Variants in MXD4 observed in about 807,000 individuals in gnomAD.
MXD4 encodes the protein Mad4 homolog.
Under a neutral mutation model 24.5 loss-of-function variants are expected in MXD4, and 16 were observed. That is an observed-to-expected ratio of 0.65 (90% CI 0.44 to 0.99). The LOEUF (loss-of-function observed/expected upper bound fraction) is 0.99. Ranked by LOEUF, MXD4 falls within the 50% of genes least tolerant of loss-of-function variation. The pLI is 0.00. For synonymous variants in MXD4, 164 were observed against 134.2 expected (o/e 1.22, Z -1.54); for missense variants, 301 against 301.5 (o/e 1.00, Z 0.01).
chr4:2,252,858 G>A (rs927683124), intron 3 of MXD4: 4 of 270,682 alleles, frequency 1.5e-5, no homozygotes, highest in Admixed American at 5.0e-5. Context: ...ATGCAGGGAG[G>A]GGTGGGGTGA....
At chr4:2,256,452 A>G (rs1735433316) in intron 3 of MXD4, among the ~76,000 whole-genome samples, 1 of 152,174 alleles carries the variant, frequency 6.6e-6, no homozygotes, top group Non-Finnish European at 1.5e-5. Context: ...TGGCCCAGCC[A>G]GGGGCTTCCT....
rs1361427194 is a variant in MXD4, at chr4:2,247,898, TTGCGGGGGTTATCCTGGTA to T, written c.*2627_*2645del. 1 of 152,332 alleles carries T rather than the reference TTGCGGGGGTTATCCTGGTA, an allele frequency of 6.6e-6. No homozygotes were observed. The highest frequency in any genetic ancestry group is 1.5e-5 in the Non-Finnish European group (1 of 68,144). 9.4% of individuals were successfully genotyped at this position (152,332 alleles called of 1,614,324 possible). On this transcript the variant is annotated 3_prime_UTR_variant, in exon 6 of 6. Coordinates refer to ENST00000337190, the MANE Select transcript of MXD4 (RefSeq NM_006454.3). The stretch of plus-strand genomic sequence containing the variant: ...GGATGGCGGGGGTCTGCTATGTGGT[TTGCGGGGGTTATCCTGGTA>T]TGCGGGAGCTGCCTTCCAATAAGGC...
At chr4:2,250,820 G>A (rs1359137625) in intron 5 of MXD4, 119 bp from the exon 6 acceptor site, 1 of 1,334,752 alleles carries the variant, frequency 7.5e-7, no homozygotes, top group Non-Finnish European at 1.0e-6. Context: ...CGCTGTCTGG[G>A]CCCTGGGGCA....
intron 2 of MXD4, among the ~76,000 whole-genome samples, chr4:2,259,850 G>A (rs1016646721): frequency 3.3e-5 from 5 of 152,172 alleles, no homozygotes; most frequent in Admixed American, 1.3e-4. Context: ...CCCACAGAAT[G>A]GACCCCCCTG....
At chr4:2,260,435 TTG>T (rs1735516134) in intron 2 of MXD4, 11 of 407,708 alleles carry the variant, frequency 2.7e-5, no homozygotes, top group Non-Finnish European at 5.0e-5. Context: ...TCGGGCAGCC[TTG>T]GCCAGGACGC....
At chr4:2,251,378 G>A in intron 4 of MXD4, 132 bp from the exon 5 acceptor site, 1 of 1,124,468 alleles carries the variant, frequency 8.9e-7, no homozygotes, top group South Asian at 1.8e-5. Flanking sequence ...AAGGCTACAG[G>A]CCACAGGGTG....
chr4:2,251,039 G>T, intron 5 of MXD4, 45 bp downstream of exon 5: 1 of 1,492,758 alleles, frequency 6.7e-7, no homozygotes. Context: ...GCACCACTGC[G>T]CACCCGGAGG....
rs1735562127 is a variant in MXD4, at chr4:2,262,093, C to G, written c.-113G>C. ...GCCCGGCCGCCGCACTTCCAGACTC[C>G]GCGGACTCCGGCGCTCGGCCGCCAC... On this transcript the variant is annotated 5_prime_UTR_variant, in exon 1 of 6. Coordinates refer to ENST00000337190, the MANE Select transcript of MXD4 (RefSeq NM_006454.3). The G allele has an allele frequency of 2.2e-6, 1 of 447,742 alleles. No individual in the cohort carries two copies. The highest frequency in any genetic ancestry group is 2.1e-5 in the African/African-American group (1 of 46,722). 27.7% of individuals were successfully genotyped at this position (447,742 alleles called of 1,614,324 possible). A position where few individuals can be genotyped will look rare whatever the true frequency, so the allele number is the denominator to read the frequency against.
At position 2,248,176 on chromosome 4, in the gene MXD4, A is replaced by C. The variant is rs1735235644; in HGVS notation, c.*2368T>G. 6.6e-6 allele frequency: 1 copy of C among 152,448 alleles called. No homozygotes were observed. The highest frequency in any genetic ancestry group is 2.4e-5 in the African/African-American group (1 of 41,474). The allele number at this position is 152,448 out of a possible 1,614,324, so 9.4% of individuals were successfully genotyped here. A position where few individuals can be genotyped will look rare whatever the true frequency, so the allele number is the denominator to read the frequency against. On this transcript the variant is annotated 3_prime_UTR_variant, in exon 6 of 6. Transcript: ENST00000337190. ...TGACTCCTAGCACGGGCCCCCACCC[A>C]GTGGGCAACCCCTCACCCACCTGCT...
intron 4 of MXD4, 73 bp downstream of exon 4, chr4:2,252,335 G>A: frequency 8.0e-7 from 1 of 1,254,450 alleles, no homozygotes; most frequent in Non-Finnish European, 1.2e-6. Flanking sequence ...GGTCACCTGT[G>A]AGCACCCCCC....
Position 2,261,905 on chromosome 4 carries a change from T to G in MXD4, c.64+12A>C. 1 of 1,449,672 alleles carries G rather than the reference T, an allele frequency of 6.9e-7. No individual in the cohort carries two copies. Among genetic ancestry groups the G allele is most frequent in the Non-Finnish European group, 9.1e-7 (1 of 1,100,688 alleles). 89.8% of individuals were successfully genotyped at this position (1,449,672 alleles called of 1,614,324 possible). A position where few individuals can be genotyped will look rare whatever the true frequency, so the allele number is the denominator to read the frequency against. ...CCACCGCCGCGGGCGCACAATGGGGTGCGAGCGCTACCTCGATCCCTGCGC... is the reference window on the plus strand; with the variant it reads ...CCACCGCCGCGGGCGCACAATGGGGGGCGAGCGCTACCTCGATCCCTGCGC... On this transcript the variant is annotated intron_variant, in intron 1 of 5. Transcript: ENST00000337190.
chr4:2,254,380 G>C (rs1430820407), intron 3 of MXD4: 1 of 152,104 alleles, frequency 6.6e-6, no homozygotes, highest in East Asian at 1.9e-4. Context: ...ACGCACACAA[G>C]AGACGACAGA....
rs943292766 is a variant in MXD4, at chr4:2,262,085, C to CCAGACTCCG, written c.-114_-106dup. The stretch of plus-strand genomic sequence containing the variant: ...CCCCGCGCGCCCGGCCGCCGCACTT[C>CCAGACTCCG]CAGACTCCGCGGACTCCGGCGCTCG... On this transcript the variant is annotated 5_prime_UTR_variant, in exon 1 of 6. Transcript: ENST00000337190. The CCAGACTCCG allele has an allele frequency of 1.9e-6, 1 of 532,104 alleles. No individual in the cohort carries two copies. The highest frequency in any genetic ancestry group is 2.4e-6 in the Non-Finnish European group (1 of 415,514). 33.0% of individuals were successfully genotyped at this position (532,104 alleles called of 1,614,324 possible). A position where few individuals can be genotyped will look rare whatever the true frequency, so the allele number is the denominator to read the frequency against.
chr4:2,261,095 G>A (rs1217022702), intron 2 of MXD4, among the ~76,000 whole-genome samples: 1 of 152,214 alleles, frequency 6.6e-6, no homozygotes, highest in Non-Finnish European at 1.5e-5. Context: ...AAAGGCCTCT[G>A]TCTTAAAAAA....
chr4:2,255,018 G>A (rs929579126), intron 3 of MXD4: 8 of 341,214 alleles, frequency 2.3e-5, no homozygotes, highest in East Asian at 8.2e-5. Flanking sequence ...AAGGCACATC[G>A]CAGGACTGTC....
intron 2 of MXD4, chr4:2,260,639 G>A: frequency 2.2e-6 from 1 of 452,286 alleles, no homozygotes; most frequent in Admixed American, 2.4e-5. Flanking sequence ...GGGACCAGGG[G>A]CTGGGACTCA....
chr4:2,254,742 C>G (rs926932961), intron 3 of MXD4: 1 of 155,288 alleles, frequency 6.4e-6, no homozygotes, highest in African/African-American at 2.4e-5. Flanking sequence ...ACCTAACGCC[C>G]GGCTCCATCT....
chr4:2,258,972 G>GA (rs1464017594), intron 2 of MXD4: 1 of 455,636 alleles, frequency 2.2e-6, no homozygotes, highest in African/African-American at 2.0e-5. Flanking sequence ...GAGGCAGGGG[G>GA]ACCTCGCTCC....
intron 2 of MXD4, chr4:2,260,515 CA>C: frequency 2.2e-6 from 1 of 455,554 alleles, no homozygotes; most frequent in Non-Finnish European, 4.4e-6. Context: ...CTCCACGGGT[CA>C]GGGACTTGGT....
Sources: gnomAD v4.1 joint callset for allele counts (sites outside exome capture counted in the v4.1 genomes callset) on GRCh38, gnomAD v4.1.1 for gene constraint, MANE v1.5 for transcripts, NCBI Gene and HGNC (gene_info 2026-07-23, HGNC 2026-07-21) for gene names.